ERG: variants seen among roughly 807,000 people sequenced by gnomAD.
ERG encodes transcriptional regulator ERG.
ERG carries 9 observed loss-of-function variants against 55.3 expected under a neutral mutation model. The observed-to-expected ratio is 0.16, with a 90% CI of 0.10 to 0.28. The LOEUF (loss-of-function observed/expected upper bound fraction) is 0.28, where lower values mean the gene tolerates loss of function less well. Among genes scored for constraint, ERG ranks in the 10% least tolerant of loss-of-function variants. The pLI, the probability that ERG is intolerant of heterozygous loss-of-function variation, is 1.00. For synonymous variants in ERG, 223 were observed against 237.3 expected, an observed-to-expected ratio of 0.94 and a Z score of 0.55; for missense variants, 434 against 631.6, an observed-to-expected ratio of 0.69 and a Z score of 3.35.
rs1034113308 is a variant in ERG at position 38,380,195 on chromosome 21, C to T, written c.*3208G>A. 1 of 1,049,516 alleles carries T rather than the reference C, an allele frequency of 9.5e-7. No individual in the cohort carries two copies. The highest frequency in any genetic ancestry group is 1.7e-5 in the African/African-American group (1 of 60,128). 65.0% of individuals were successfully genotyped at this position (1,049,516 alleles called of 1,614,324 possible). A position where few individuals can be genotyped will look rare whatever the true frequency, so the allele number is the denominator to read the frequency against. On this transcript the variant is annotated 3_prime_UTR_variant, in exon 10 of 10. Transcript: ENST00000288319. ...TTTGGGGCGCTGCAGAACATCTGTG[C>T]TTTCCCTGTGCCCCATCACCTTCCC... is the stretch of plus-strand genomic sequence containing the variant.
chr21:38,484,211 C>G (rs1005873843), intron 1 of ERG, among the ~76,000 whole-genome samples: 1 of 152,130 alleles, frequency 6.6e-6, no homozygotes, highest in Non-Finnish European at 1.5e-5. Flanking sequence ...ACAATCCACC[C>G]GCCTCAACCT....
chr21:38,590,600 C>CCATGTATT (rs948472844), intron 1 of ERG, among the ~76,000 whole-genome samples: 4 of 151,364 alleles, frequency 2.6e-5, no homozygotes, highest in Admixed American at 2.6e-4. Flanking sequence ...ATCCATCCAT[C>CCATGTATT]CATGTATTCA....
chr21:38,607,558 C>T (rs886248703), intron 1 of ERG, among the ~76,000 whole-genome samples: 3 of 152,072 alleles, frequency 2.0e-5, no homozygotes, highest in East Asian at 3.9e-4. Flanking sequence ...GGCATGAACC[C>T]GGGAGGCTGA....
intron 1 of ERG, among the ~76,000 whole-genome samples, chr21:38,452,874 T>A (rs192339631): frequency 2.6e-5 from 4 of 152,352 alleles, no homozygotes; most frequent in Admixed American, 2.6e-4. Flanking sequence ...TATTCAAATA[T>A]AAGCATTTTC....
At chr21:38,494,756 A>G (rs939372518) in intron 1 of ERG, among the ~76,000 whole-genome samples, 4 of 152,248 alleles carry the variant, frequency 2.6e-5, no homozygotes, top group Non-Finnish European at 5.9e-5. Flanking sequence ...AAGCCCACAG[A>G]TGGAGCCATT....
At chr21:38,642,811 A>G (rs1382678619) in intron 1 of ERG, among the ~76,000 whole-genome samples, 1 of 152,212 alleles carries the variant, frequency 6.6e-6, no homozygotes, top group Non-Finnish European at 1.5e-5. Flanking sequence ...GGGTAGAAAC[A>G]AGGCATTGAT....
chr21:38,389,663 A>G (rs2146424312), intron 9 of ERG, among the ~76,000 whole-genome samples: 1 of 151,196 alleles, frequency 6.6e-6, no homozygotes, highest in Non-Finnish European at 1.5e-5. Flanking sequence ...ATGAGCAAAA[A>G]GGGCCTGTGG....
At chr21:38,631,245 T>C (rs767633345) in intron 1 of ERG, among the ~76,000 whole-genome samples, 2 of 152,176 alleles carry the variant, frequency 1.3e-5, no homozygotes, top group Non-Finnish European at 2.9e-5. Context: ...TCCCCACACT[T>C]CATTTCCCAT....
chr21:38,534,758 T>A (rs1189902916), intron 2 of ERG, among the ~76,000 whole-genome samples: 1 of 151,944 alleles, frequency 6.6e-6, no homozygotes, highest in Non-Finnish European at 1.5e-5. Context: ...TCTCAAAGAG[T>A]TCTTTGTACA....
chr21:38,551,158 G>GTT (rs60943753), intron 2 of ERG, among the ~76,000 whole-genome samples: 36 of 149,256 alleles, frequency 2.4e-4, no homozygotes, highest in Middle Eastern at 3.4e-3. Context: ...AGTCTCTGAG[G>GTT]TTTTTTTTTT....
At chr21:38,611,863 C>T (rs917862465) in intron 1 of ERG, among the ~76,000 whole-genome samples, 14 of 151,852 alleles carry the variant, frequency 9.2e-5, no homozygotes, top group African/African-American at 3.1e-4. Context: ...AAGTAAATGA[C>T]AAAAGAGAAG....
intron 3 of ERG, among the ~76,000 whole-genome samples, chr21:38,413,004 C>A (rs1350459597): frequency 6.6e-6 from 1 of 152,168 alleles, no homozygotes; most frequent in Non-Finnish European, 1.5e-5. Flanking sequence ...GAGTTCCTGG[C>A]ACACACTGTT....
chr21:38,465,902 G>A (rs932086578), intron 1 of ERG, among the ~76,000 whole-genome samples: 10 of 152,056 alleles, frequency 6.6e-5, no homozygotes, highest in African/African-American at 1.2e-4. Flanking sequence ...AGATGAGATG[G>A]CCCTCCCTGA....
At chr21:38,573,773 C>G (rs1349895345) in intron 2 of ERG, among the ~76,000 whole-genome samples, 2 of 152,188 alleles carry the variant, frequency 1.3e-5, no homozygotes, top group African/African-American at 4.8e-5. Context: ...GTCCCCTGAG[C>G]CCACTGTTGT....
chr21:38,627,599 T>C (rs886252018), intron 1 of ERG, among the ~76,000 whole-genome samples: 2 of 152,172 alleles, frequency 1.3e-5, no homozygotes, highest in African/African-American at 2.4e-5. Flanking sequence ...TGTGATATTA[T>C]AGAAGATGAA....
chr21:38,516,788 A>T (rs1394762076), intron 2 of ERG, among the ~76,000 whole-genome samples: 2 of 152,154 alleles, frequency 1.3e-5, no homozygotes, highest in Admixed American at 1.3e-4. Flanking sequence ...ATGGAACAGA[A>T]TTGATAACCC....
intron 1 of ERG, among the ~76,000 whole-genome samples, chr21:38,473,619 T>C (rs1320625363): frequency 6.6e-6 from 1 of 152,182 alleles, no homozygotes; most frequent in Non-Finnish European, 1.5e-5. Context: ...AAGATATCCT[T>C]TGTAATCTCA....
At chr21:38,650,581 G>A (rs2146985095) in intron 1 of ERG, among the ~76,000 whole-genome samples, 1 of 152,110 alleles carries the variant, frequency 6.6e-6, no homozygotes, top group Middle Eastern at 3.4e-3. Context: ...ACGTTGCAGT[G>A]AGCCAAGATC....
At chr21:38,452,283 A>G (rs1829805764) in intron 1 of ERG, among the ~76,000 whole-genome samples, 1 of 152,244 alleles carries the variant, frequency 6.6e-6, no homozygotes, top group Non-Finnish European at 1.5e-5. Flanking sequence ...TTACATATGT[A>G]CACATATACA....
Sources: gnomAD v4.1 joint callset for allele counts (sites outside exome capture counted in the v4.1 genomes callset) on GRCh38, gnomAD v4.1.1 for gene constraint, MANE v1.5 for transcripts, NCBI Gene and HGNC (gene_info 2026-07-23, HGNC 2026-07-21) for gene names.